ACOXL: variants seen among roughly 807,000 people sequenced by gnomAD.
The protein encoded by ACOXL is acyl-CoA oxidase like.
Under a neutral mutation model 71.9 loss-of-function variants are expected in ACOXL, and 70 were observed. That is an observed-to-expected ratio of 0.97 (90% CI 0.80 to 1.19). ACOXL has a LOEUF of 1.19. ACOXL is among the 50% of genes most tolerant of loss of function. The pLI is 0.00. For missense variants in ACOXL, 703 were observed against 736.3 expected (o/e 0.95, Z 0.52); for synonymous variants, 253 against 281.6 (o/e 0.90, Z 1.02).
At chr2:111,083,234 T>C (rs533093974) in intron 16 of ACOXL, among the ~76,000 whole-genome samples, 1 of 152,140 alleles carries the variant, frequency 6.6e-6, no homozygotes, top group Non-Finnish European at 1.5e-5. Flanking sequence ...TAACTTTCTT[T>C]GAGCCTCTGT....
At chr2:110,746,698 C>T (rs1413717984) in intron 1 of ACOXL, among the ~76,000 whole-genome samples, 1 of 152,102 alleles carries the variant, frequency 6.6e-6, no homozygotes, top group Non-Finnish European at 1.5e-5. Context: ...GGTCTCTTTC[C>T]AAGACAAAGT....
At chr2:110,994,387 C>T (rs1239446369) in intron 13 of ACOXL, among the ~76,000 whole-genome samples, 1 of 151,922 alleles carries the variant, frequency 6.6e-6, no homozygotes, top group Non-Finnish European at 1.5e-5. Flanking sequence ...AAAAGCACTG[C>T]GTCAATTGCT....
intron 14 of ACOXL, among the ~76,000 whole-genome samples, chr2:111,015,866 C>T (rs1282915794): frequency 2.0e-5 from 3 of 152,180 alleles, no homozygotes; most frequent in Admixed American, 6.5e-5. Context: ...AAGCCTGACA[C>T]AGAATAGTTA....
At chr2:111,096,242 T>TA (rs2068792704) in intron 17 of ACOXL, among the ~76,000 whole-genome samples, 2 of 150,218 alleles carry the variant, frequency 1.3e-5, no homozygotes, top group African/African-American at 2.4e-5. Context: ...TTATTATTAT[T>TA]ATTATTATTA....
At chr2:110,844,282 G>T (rs370099010) in intron 10 of ACOXL, among the ~76,000 whole-genome samples, 3 of 152,214 alleles carry the variant, frequency 2.0e-5, no homozygotes, top group East Asian at 3.8e-4. Context: ...TCAAAGGGTT[G>T]TGTTTTCCAA....
intron 12 of ACOXL, 87 bp from the exon 13 acceptor site, chr2:110,987,021 A>C: frequency 9.1e-7 from 1 of 1,102,154 alleles, no homozygotes; most frequent in Non-Finnish European, 1.3e-6. Context: ...TTGCTAAGTG[A>C]CAAATAGATC....
At chr2:110,934,677 A>G (rs935312877) in intron 12 of ACOXL, among the ~76,000 whole-genome samples, 1 of 152,188 alleles carries the variant, frequency 6.6e-6, no homozygotes. Flanking sequence ...CTGAGCCTTC[A>G]TAAGAGGCAG....
chr2:110,833,509 CAG>C (rs1185331085), intron 9 of ACOXL, among the ~76,000 whole-genome samples: 1 of 152,102 alleles, frequency 6.6e-6, no homozygotes, highest in Non-Finnish European at 1.5e-5. Flanking sequence ...TTGACTCTAT[CAG>C]GGGAGTATCC....
chr2:110,963,571 G>A lies in ACOXL; in HGVS notation c.1060-23537G>A, dbSNP rs56178363. On this transcript the variant is annotated intron_variant, in intron 12 of 17. Transcript: ENST00000439055. ...ATGGGATCGCAAATTTGAAATGTGT[G>A]TGTGTGTGTGTGTGTGTGTGTGTGT... is the stretch of plus-strand genomic sequence containing the variant. 1.9e-4 allele frequency: 81 copies of A among 435,636 alleles called. No homozygotes were observed. The Middle Eastern group carries it at 5.8e-3, about 31-fold the overall frequency. The allele number at this position is 435,636 out of a possible 1,614,324, so 27.0% of individuals were successfully genotyped here.
At chr2:110,817,356 A>T (rs533407942) in intron 9 of ACOXL, among the ~76,000 whole-genome samples, 1 of 152,306 alleles carries the variant, frequency 6.6e-6, no homozygotes, top group African/African-American at 2.4e-5. Flanking sequence ...AGGGTTGTAC[A>T]CATCTGTGTC....
In ACOXL at chr2:110,798,639, T is replaced by C; in HGVS notation, c.375T>C (p.Asn125=). The change falls in exon 6 of 18, where the codon AAT becomes AAC. Residue 125 remains asparagine, a synonymous_variant. Transcript: ENST00000439055. Reference sequence around the variant, plus strand: ...TTGTAATTGACACGCCGTGTGAAAATGCGGAGAAGATGTATATTGGAAATG... The same window carrying C: ...TTGTAATTGACACGCCGTGTGAAAACGCGGAGAAGATGTATATTGGAAATG... ...QEFVIDTPCE[N]AEKMYIGNAM... 1 of 1,614,064 alleles carries C rather than the reference T, an allele frequency of 6.2e-7. No individual in the cohort carries two copies. Among genetic ancestry groups the C allele is most frequent in the Non-Finnish European group, 8.5e-7 (1 of 1,179,998 alleles).
chr2:111,080,836 C>T (rs1287660734), intron 16 of ACOXL, among the ~76,000 whole-genome samples: 2 of 152,238 alleles, frequency 1.3e-5, no homozygotes, highest in Non-Finnish European at 2.9e-5. Flanking sequence ...ATCAAGCTGG[C>T]TTCATCCCTG....
chr2:110,957,582 C>T (rs1314578119), intron 12 of ACOXL, among the ~76,000 whole-genome samples: 1 of 152,172 alleles, frequency 6.6e-6, no homozygotes, highest in Non-Finnish European at 1.5e-5. Context: ...CCATCTCCTG[C>T]CTGTGTCTTC....
chr2:110,871,753 C>T (rs192095469), intron 10 of ACOXL, among the ~76,000 whole-genome samples: 23 of 152,278 alleles, frequency 1.5e-4, no homozygotes, highest in African/African-American at 5.1e-4. Flanking sequence ...CGCCATAGCA[C>T]GCTGAGACGT....
chr2:110,830,101 A>G (rs747591138), intron 9 of ACOXL, among the ~76,000 whole-genome samples: 5 of 152,238 alleles, frequency 3.3e-5, no homozygotes, highest in Non-Finnish European at 5.9e-5. Flanking sequence ...GCATTTTGCA[A>G]TATAAGATTT....
At chr2:110,756,581 A>T (rs1679732072) in intron 1 of ACOXL, among the ~76,000 whole-genome samples, 1 of 151,804 alleles carries the variant, frequency 6.6e-6, no homozygotes, top group African/African-American at 2.4e-5. Context: ...TTGTGGTTTT[A>T]TTTTTCTTCA....
chr2:110,818,036 G>A (rs1161971151), intron 9 of ACOXL, among the ~76,000 whole-genome samples: 1 of 150,872 alleles, frequency 6.6e-6, no homozygotes. Flanking sequence ...TTAATTTAGA[G>A]GATATGTTTG....
intron 13 of ACOXL, among the ~76,000 whole-genome samples, chr2:110,988,272 C>CTACAAAAATAA (rs2063021499): frequency 6.6e-6 from 1 of 151,994 alleles, no homozygotes; most frequent in Non-Finnish European, 1.5e-5. Flanking sequence ...ACCTCTGTCT[C>CTACAAAAATAA]TACAAAAATA....
intron 1 of ACOXL, among the ~76,000 whole-genome samples, chr2:110,756,597 A>G (rs1282374153): frequency 6.6e-6 from 1 of 152,014 alleles, no homozygotes; most frequent in South Asian, 2.1e-4. Flanking sequence ...CTTCATGTCA[A>G]TTGTTGATCT....
Sources: allele counts gnomAD v4.1 joint callset (sites outside exome capture counted in the v4.1 genomes callset), GRCh38; gene constraint gnomAD v4.1.1; transcripts MANE v1.5; gene names NCBI Gene and HGNC (gene_info 2026-07-23, HGNC 2026-07-21).